Variants in ADGRL3 observed in about 807,000 individuals in gnomAD.
The protein encoded by ADGRL3 is adhesion G protein-coupled receptor L3, also known as calcium-independent alpha-latrotoxin receptor 3.
In ADGRL3, 62 loss-of-function variants were observed where a neutral mutation model predicts 153.5. That is an observed-to-expected ratio of 0.40 (90% CI 0.33 to 0.50). The LOEUF is 0.50. ADGRL3 is among the 20% of genes least tolerant of loss of function. The pLI, the probability that ADGRL3 is intolerant of heterozygous loss-of-function variation, is 0.47. For synonymous variants in ADGRL3, 710 were observed against 672.5 expected (o/e 1.06, Z -0.86); for missense variants, 1,641 against 1,859.4 (o/e 0.88, Z 2.16).
chr4:61,953,152 A>T (rs2098953855), intron 17 of ADGRL3, among the ~76,000 whole-genome samples: 1 of 152,356 alleles, frequency 6.6e-6, no homozygotes, highest in African/African-American at 2.4e-5. Context: ...TGTTTCAAAC[A>T]GAACATTAAT....
rs544991544 is a variant in ADGRL3 at position 61,432,268 on chromosome 4, T to C, written c.-174+49079T>C. ...TGTCATATTAGCCTGGTTATGACTA[T>C]TCTCCTTTGCCACGTTTCTTTCATA... On this transcript the variant is annotated intron_variant, in intron 2 of 26. Coordinates refer to ENST00000683033, the MANE Select transcript of ADGRL3 (RefSeq NM_001387552.1). 4.6e-5 allele frequency among the ~76,000 whole-genome samples: 7 copies of C among 152,348 alleles called. No homozygotes were observed. The East Asian group carries it at 9.6e-4, about 21-fold the overall frequency.
chr4:61,245,664 T>A (rs1370186618), intron 1 of ADGRL3, among the ~76,000 whole-genome samples: 1 of 152,126 alleles, frequency 6.6e-6, no homozygotes, highest in Non-Finnish European at 1.5e-5. Flanking sequence ...TGCCTGTGAA[T>A]ATGTTGCCAG....
chr4:61,948,268 G>A lies in ADGRL3; in HGVS notation c.2797G>A (p.Glu933Lys), dbSNP rs2098933527. 6.2e-7 allele frequency: 1 copy of A among 1,612,804 alleles called. No individual in the cohort carries two copies. The highest frequency in any genetic ancestry group is 8.5e-7 in the Non-Finnish European group (1 of 1,178,916). Reference sequence around the variant, plus strand: ...TTTTGCAGTACTGATGGCACATGTGGAAGTTAAGGTAAGATATATACCATA... The same window carrying A: ...TTTTGCAGTACTGATGGCACATGTGAAAGTTAAGGTAAGATATATACCATA... ...TNFAVLMAHV[E>K]VKHSDAVHDL... The change falls in exon 17 of 27, where the codon GAA becomes AAA. Residue 933 changes from glutamate (E) to lysine (K), a missense_variant. Physicochemically the swap from Glu to Lys is moderately conservative, Grantham distance 56 (BLOSUM62 1). Coordinates refer to ENST00000683033, the MANE Select transcript of ADGRL3 (RefSeq NM_001387552.1).
chr4:61,481,200 C>T (rs1048855904), intron 2 of ADGRL3, among the ~76,000 whole-genome samples: 6 of 152,254 alleles, frequency 3.9e-5, no homozygotes, highest in Non-Finnish European at 7.4e-5. Context: ...TGCATTTCTT[C>T]ATTCTTGCTA....
chr4:62,054,974 T>A (rs555963021), intron 25 of ADGRL3, among the ~76,000 whole-genome samples: 1 of 151,864 alleles, frequency 6.6e-6, no homozygotes, highest in African/African-American at 2.4e-5. Context: ...TGCTAAATCC[T>A]AGCAAGAATT....
chr4:61,591,842 C>T (rs549834633), intron 5 of ADGRL3, among the ~76,000 whole-genome samples: 99 of 151,604 alleles, frequency 6.5e-4, no homozygotes, highest in African/African-American at 2.1e-3. Flanking sequence ...TTTGGGAGGC[C>T]GAGGCAGGAG....
At chr4:61,985,145 A>G (rs1054251282) in intron 19 of ADGRL3, among the ~76,000 whole-genome samples, 4 of 152,164 alleles carry the variant, frequency 2.6e-5, no homozygotes, top group African/African-American at 9.7e-5. Context: ...CACTAATTTT[A>G]CAGGTGAGAA....
At chr4:61,644,225 C>G (rs1175405165) in intron 5 of ADGRL3, among the ~76,000 whole-genome samples, 1 of 147,852 alleles carries the variant, frequency 6.8e-6, no homozygotes, top group East Asian at 2.0e-4. Context: ...TTTTGTTGAA[C>G]CTTTCAAAAA....
rs142309660 is a variant in ADGRL3 at position 61,433,927 on chromosome 4, C to G, written c.-174+50738C>G. 2.2e-4 allele frequency among the ~76,000 whole-genome samples: 34 copies of G among 152,248 alleles called. No individual in the cohort carries two copies. In the South Asian group the frequency reaches 3.1e-3, roughly 14 times the overall value. On this transcript the variant is annotated intron_variant, in intron 2 of 26. Coordinates refer to ENST00000683033, the MANE Select transcript of ADGRL3 (RefSeq NM_001387552.1). ...GACTTTAGAATTATTTTTGATGCCT[C>G]TATATTACTTGCTCCAGAGCAAATC...
At chr4:61,913,838 T>G (rs2098733259) in intron 13 of ADGRL3, among the ~76,000 whole-genome samples, 1 of 152,146 alleles carries the variant, frequency 6.6e-6, no homozygotes, top group Non-Finnish European at 1.5e-5. Flanking sequence ...TTAGTCAGAT[T>G]ATGAAAAGCA....
chr4:61,820,772 G>A (rs11724057), intron 9 of ADGRL3, among the ~76,000 whole-genome samples: 16,070 of 152,178 alleles, frequency 0.11, 917 homozygotes, highest in Middle Eastern at 0.15. Flanking sequence ...ATAAGTACAT[G>A]AGAGTTCTTA....
chr4:61,454,871 C>G (rs191637076), intron 2 of ADGRL3, among the ~76,000 whole-genome samples: 3 of 151,962 alleles, frequency 2.0e-5, no homozygotes, highest in African/African-American at 7.2e-5. Context: ...TTGGAATTGA[C>G]TTTGTTCAGA....
intron 6 of ADGRL3, among the ~76,000 whole-genome samples, chr4:61,699,460 A>T (rs1476178778): frequency 6.6e-6 from 1 of 152,154 alleles, no homozygotes; most frequent in Non-Finnish European, 1.5e-5. Context: ...AAATAAGATG[A>T]AGTTAGGGAG....
intron 1 of ADGRL3, among the ~76,000 whole-genome samples, chr4:61,285,654 T>A (rs1009500379): frequency 1.3e-5 from 2 of 151,888 alleles, no homozygotes; most frequent in South Asian, 4.1e-4. Flanking sequence ...CTTTGTTTAG[T>A]TAGGGGTTTA....
intron 1 of ADGRL3, among the ~76,000 whole-genome samples, chr4:61,268,794 A>G (rs1394421189): frequency 6.6e-6 from 1 of 151,640 alleles, no homozygotes; most frequent in Non-Finnish European, 1.5e-5. Flanking sequence ...CATTGCTACT[A>G]GATTATGGAA....
intron 6 of ADGRL3, among the ~76,000 whole-genome samples, chr4:61,688,720 T>C (rs1365183461): frequency 6.6e-6 from 1 of 152,156 alleles, no homozygotes; most frequent in Non-Finnish European, 1.5e-5. Flanking sequence ...AGAGTTATAG[T>C]ATTCTCTACC....
chr4:61,814,179 A>G (rs1406127404), intron 9 of ADGRL3, among the ~76,000 whole-genome samples: 1 of 151,980 alleles, frequency 6.6e-6, no homozygotes, highest in African/African-American at 2.4e-5. Flanking sequence ...AGAAATTACC[A>G]GATAACCGTT....
intron 9 of ADGRL3, among the ~76,000 whole-genome samples, chr4:61,852,286 TA>T (rs2098214200): frequency 7.0e-6 from 1 of 142,486 alleles, no homozygotes; most frequent in African/African-American, 2.9e-5. Flanking sequence ...TATTTTATTT[TA>T]ATTTTATTTT....
intron 6 of ADGRL3, among the ~76,000 whole-genome samples, chr4:61,724,833 G>T (rs948352656): frequency 1.3e-5 from 2 of 152,060 alleles, no homozygotes; most frequent in Admixed American, 1.3e-4. Flanking sequence ...TGGAAGAAGA[G>T]AATTATCTGT....
Sources: allele counts gnomAD v4.1 joint callset (sites outside exome capture counted in the v4.1 genomes callset), GRCh38; gene constraint gnomAD v4.1.1; transcripts MANE v1.5; gene names NCBI Gene and HGNC (gene_info 2026-07-23, HGNC 2026-07-21).